The following SPATA17 variants were observed in gnomAD, a reference collection of about 807,000 sequenced individuals.
The protein encoded by SPATA17 is spermatogenesis associated 17, also known as spermatogenesis-associated protein 17.
A neutral mutation model predicts 62.2 loss-of-function variants in SPATA17; 53 were observed. That is an observed-to-expected ratio of 0.85 (90% CI 0.68 to 1.07). The LOEUF (loss-of-function observed/expected upper bound fraction) is 1.07, where lower values mean the gene tolerates loss of function less well. Among genes scored for constraint, SPATA17 ranks in the 50% least tolerant of loss-of-function variants. The probability of loss-of-function intolerance (pLI) is 0.00; values close to 1 mark genes in which losing one functional copy is unlikely to be tolerated. For synonymous variants in SPATA17, 146 were observed against 146.8 expected, an observed-to-expected ratio of 0.99 and a Z score of 0.04; for missense variants, 466 against 425.5, an observed-to-expected ratio of 1.10 and a Z score of -0.84.
At chr1:217,771,773 T>C (rs1313544227) in intron 6 of SPATA17, among the ~76,000 whole-genome samples, 1 of 152,196 alleles carries the variant, frequency 6.6e-6, no homozygotes, top group Non-Finnish European at 1.5e-5. Context: ...AAATATAATT[T>C]AAGAAAGCTA....
In SPATA17 at chr1:217,676,791, A is replaced by G. The variant is rs115269021; in HGVS notation, c.292-6467A>G. On this transcript the variant is annotated intron_variant, in intron 4 of 10. Transcript: ENST00000366933. ...GCAGCATCTTAGAGATCTCTCTTAT[A>G]AAATGAATTCTGTCACAGGTTTTTA... Among the ~76,000 whole-genome samples, 288 of 152,298 alleles carry G rather than the reference A, an allele frequency of 1.9e-3. 4 individuals are homozygous for G. Among genetic ancestry groups the G allele is most frequent in the African/African-American group, 6.7e-3 (279 of 41,556 alleles).
intron 6 of SPATA17, among the ~76,000 whole-genome samples, chr1:217,748,352 C>T (rs1288454923): frequency 2.7e-5 from 4 of 150,736 alleles, no homozygotes; most frequent in African/African-American, 9.7e-5. Context: ...AATTGATAGT[C>T]TGTTGATATG....
In SPATA17 at chr1:217,858,755, C is replaced by G. The variant is rs956267353; in HGVS notation, c.1006-4019C>G. ...ATAATAAAATAAAATTATAGCCGGG[C>G]GTGGTGGCTCATGCCTGTAATCCCA... On this transcript the variant is annotated intron_variant, in intron 9 of 10. Transcript: ENST00000366933. Among the ~76,000 whole-genome samples, 4 of 152,140 alleles carry G rather than the reference C, an allele frequency of 2.6e-5. No homozygotes were observed. The East Asian group carries it at 5.8e-4, about 22-fold the overall frequency.
intron 6 of SPATA17, among the ~76,000 whole-genome samples, chr1:217,750,453 G>A (rs1313154179): frequency 6.6e-6 from 1 of 152,094 alleles, no homozygotes; most frequent in African/African-American, 2.4e-5. Context: ...AATATTAAGA[G>A]GACATGCAGA....
chr1:217,733,238 T>C (rs1430185997), intron 5 of SPATA17, among the ~76,000 whole-genome samples: 2 of 152,220 alleles, frequency 1.3e-5, no homozygotes, highest in African/African-American at 2.4e-5. Flanking sequence ...CTAGCATTAC[T>C]CTTAGAGAGC....
At chr1:217,637,245 A>G (rs1669963029) in intron 1 of SPATA17, among the ~76,000 whole-genome samples, 1 of 152,224 alleles carries the variant, frequency 6.6e-6, no homozygotes, top group Non-Finnish European at 1.5e-5. Context: ...TTCCTGGGTT[A>G]CAACGAAGGA....
At chr1:217,790,553 G>A (rs927468407) in intron 8 of SPATA17, among the ~76,000 whole-genome samples, 1 of 151,992 alleles carries the variant, frequency 6.6e-6, no homozygotes, top group Non-Finnish European at 1.5e-5. Context: ...CCATTCTCCT[G>A]CCTCAGCCTC....
chr1:217,768,223 G>A (rs980906177), intron 6 of SPATA17, among the ~76,000 whole-genome samples: 7 of 151,960 alleles, frequency 4.6e-5, no homozygotes, highest in Non-Finnish European at 8.8e-5. Flanking sequence ...CCAGCCTGGC[G>A]ACAGAGCAAG....
intron 4 of SPATA17, among the ~76,000 whole-genome samples, chr1:217,671,615 C>T (rs1160489029): frequency 6.6e-6 from 1 of 152,106 alleles, no homozygotes; most frequent in African/African-American, 2.4e-5. Flanking sequence ...TCTGTCTTCT[C>T]CCCTCCCTGC....
At chr1:217,775,645 T>A (rs527694369) in intron 7 of SPATA17, among the ~76,000 whole-genome samples, 22 of 151,988 alleles carry the variant, frequency 1.4e-4, no homozygotes, top group Non-Finnish European at 2.8e-4. Flanking sequence ...GAGGTTGCAG[T>A]GAGCCGAGAT....
chr1:217,802,796 C>G (rs2102988271), intron 9 of SPATA17, among the ~76,000 whole-genome samples: 1 of 152,270 alleles, frequency 6.6e-6, no homozygotes, highest in African/African-American at 2.4e-5. Context: ...CTCATGCACT[C>G]TTGAATGCAA....
At chr1:217,851,683 T>C (rs1183343618) in intron 9 of SPATA17, among the ~76,000 whole-genome samples, 5 of 152,302 alleles carry the variant, frequency 3.3e-5, no homozygotes, top group African/African-American at 1.2e-4. Context: ...TTGATTTTTA[T>C]ACCACACAGT....
chr1:217,648,029 A>G (rs1327360454), intron 1 of SPATA17, among the ~76,000 whole-genome samples: 3 of 151,816 alleles, frequency 2.0e-5, no homozygotes, highest in Admixed American at 6.6e-5. Context: ...GCCTTACTCA[A>G]ACCTCTTTTG....
At chr1:217,824,490 G>C (rs577597775) in intron 9 of SPATA17, among the ~76,000 whole-genome samples, 3 of 151,296 alleles carry the variant, frequency 2.0e-5, no homozygotes, top group East Asian at 3.9e-4. Context: ...CATTTTTATT[G>C]ATTCCATCTT....
intron 8 of SPATA17, among the ~76,000 whole-genome samples, chr1:217,793,692 T>C (rs560902379): frequency 1.3e-5 from 2 of 152,252 alleles, no homozygotes; most frequent in African/African-American, 2.4e-5. Flanking sequence ...TACTTTCAGA[T>C]ATTGGCAGAA....
At chr1:217,698,035 C>A (rs963361022) in intron 5 of SPATA17, among the ~76,000 whole-genome samples, 12 of 152,094 alleles carry the variant, frequency 7.9e-5, no homozygotes, top group Non-Finnish European at 1.5e-4. Context: ...GTGGCTCACG[C>A]CTGTAATCTC....
chr1:217,734,248 T>C (rs1376929911), intron 5 of SPATA17, among the ~76,000 whole-genome samples: 1 of 152,266 alleles, frequency 6.6e-6, no homozygotes. Context: ...GTTAAATTAA[T>C]GTGAACATAT....
At chr1:217,674,869 T>G (rs994280707) in intron 4 of SPATA17, among the ~76,000 whole-genome samples, 3 of 152,136 alleles carry the variant, frequency 2.0e-5, no homozygotes, top group Non-Finnish European at 4.4e-5. Context: ...TGGCTGAGTC[T>G]GGGATTTTTA....
chr1:217,805,149 A>T (rs1190263565), intron 9 of SPATA17, among the ~76,000 whole-genome samples: 1 of 152,174 alleles, frequency 6.6e-6, no homozygotes, highest in South Asian at 2.1e-4. Context: ...CTGAATGACA[A>T]ATGGATAAAG....
Sources: gnomAD v4.1 joint callset for allele counts (sites outside exome capture counted in the v4.1 genomes callset) on GRCh38, gnomAD v4.1.1 for gene constraint, MANE v1.5 for transcripts, NCBI Gene and HGNC (gene_info 2026-07-23, HGNC 2026-07-21) for gene names.